CNTNAP4: variants seen among roughly 807,000 people sequenced by gnomAD.
The protein encoded by CNTNAP4 is contactin associated protein family member 4.
In CNTNAP4, 98 loss-of-function variants were observed where a neutral mutation model predicts 148.4. The observed-to-expected ratio is 0.66, with a 90% CI of 0.56 to 0.78. The LOEUF is 0.78. Among genes scored for constraint, CNTNAP4 ranks in the 30% least tolerant of loss-of-function variants. CNTNAP4 has a pLI of 0.00. For missense variants in CNTNAP4, 1,935 were observed against 1,565.6 expected (o/e 1.24, Z -3.98); for synonymous variants, 730 against 565.1 (o/e 1.29, Z -4.14).
At chr16:76,404,635 T>C (rs1028623341) in intron 3 of CNTNAP4, among the ~76,000 whole-genome samples, 2 of 152,160 alleles carry the variant, frequency 1.3e-5, no homozygotes, top group African/African-American at 4.8e-5. Context: ...TTAATACATA[T>C]AGAATCTTTA....
chr16:76,520,609 T>A (rs1313463114), intron 15 of CNTNAP4, among the ~76,000 whole-genome samples: 1 of 152,180 alleles, frequency 6.6e-6, no homozygotes, highest in African/African-American at 2.4e-5. Context: ...GGTTTGTAAT[T>A]AGACAAGACT....
At chr16:76,307,503 C>CATATATATATATATATAT (rs6145898) in intron 1 of CNTNAP4, among the ~76,000 whole-genome samples, 5 of 91,720 alleles carry the variant, frequency 5.5e-5, no homozygotes, top group East Asian at 5.9e-4. Context: ...ATTTTAAATG[C>CATATATATATATATATAT]ATATATATAT....
intron 17 of CNTNAP4, among the ~76,000 whole-genome samples, chr16:76,531,072 C>T (rs1350136577): frequency 6.6e-6 from 1 of 152,134 alleles, no homozygotes; most frequent in Non-Finnish European, 1.5e-5. Context: ...CTGTGCCAGG[C>T]AAATCTCTAT....
chr16:76,500,168 T>C (rs9925329), intron 15 of CNTNAP4, among the ~76,000 whole-genome samples: 127,049 of 151,660 alleles, frequency 0.84, 54,085 homozygotes, highest in East Asian at 0.97. Flanking sequence ...CCAGACGGGG[T>C]GGCAGCTGGG....
At chr16:76,534,825 C>T (rs1372744530) in intron 17 of CNTNAP4, among the ~76,000 whole-genome samples, 1 of 152,172 alleles carries the variant, frequency 6.6e-6, no homozygotes, top group Non-Finnish European at 1.5e-5. Flanking sequence ...GGGTCTGATT[C>T]CAACCCAACA....
intron 10 of CNTNAP4, among the ~76,000 whole-genome samples, chr16:76,472,784 A>T (rs1162387898): frequency 6.6e-6 from 1 of 152,152 alleles, no homozygotes; most frequent in Admixed American, 6.5e-5. Flanking sequence ...GGGGAACAAC[A>T]CTTACTGGGA....
At chr16:76,321,695 A>G (rs1962429955) in intron 2 of CNTNAP4, among the ~76,000 whole-genome samples, 1 of 150,688 alleles carries the variant, frequency 6.6e-6, no homozygotes, top group Non-Finnish European at 1.5e-5. Context: ...AGGCTGGGGC[A>G]GGAGAATGGC....
At chr16:76,495,654 C>T (rs1460041010) in intron 14 of CNTNAP4, among the ~76,000 whole-genome samples, 1 of 151,956 alleles carries the variant, frequency 6.6e-6, no homozygotes, top group African/African-American at 2.4e-5. Flanking sequence ...TTAAAAAAGA[C>T]ATTGATAGTA....
chr16:76,510,629 G>A (rs1042726509), intron 15 of CNTNAP4, among the ~76,000 whole-genome samples: 2 of 152,072 alleles, frequency 1.3e-5, no homozygotes, highest in African/African-American at 4.8e-5. Context: ...TCTGTGCTGA[G>A]GAATGCAGTT....
rs554380936 is a variant in CNTNAP4, at chr16:76,456,568, G to A, written c.1333+3799G>A. Among the ~76,000 whole-genome samples, 17 of 152,158 alleles carry A rather than the reference G, an allele frequency of 1.1e-4. No individual in the cohort carries two copies. The South Asian group carries it at 3.5e-3, about 32-fold the overall frequency. On this transcript the variant is annotated intron_variant, in intron 8 of 23. Transcript: ENST00000611870. ...TTTTCCCCACCTTCATTTCATTATA[G>A]TCACAGAATGGCCTTGTCTGATGTT...
chr16:76,470,187 T>G (rs1054816122), intron 10 of CNTNAP4, among the ~76,000 whole-genome samples: 34 of 152,274 alleles, frequency 2.2e-4, no homozygotes, highest in African/African-American at 7.7e-4. Context: ...GCCCAGCCTC[T>G]AACCCCAGCA....
intron 3 of CNTNAP4, among the ~76,000 whole-genome samples, chr16:76,407,067 T>C (rs1192256737): frequency 1.3e-5 from 2 of 152,196 alleles, no homozygotes; most frequent in African/African-American, 4.8e-5. Context: ...GCTGACTCTC[T>C]TGTCAGAGAC....
chr16:76,345,494 C>G (rs896078481), intron 2 of CNTNAP4, among the ~76,000 whole-genome samples: 1 of 152,196 alleles, frequency 6.6e-6, no homozygotes, highest in Admixed American at 6.5e-5. Context: ...AGGGATTGAA[C>G]TCAATTCCAT....
At chr16:76,418,404 T>C (rs1350464574) in intron 3 of CNTNAP4, among the ~76,000 whole-genome samples, 1 of 147,134 alleles carries the variant, frequency 6.8e-6, no homozygotes, top group East Asian at 2.0e-4. Context: ...TATATATATA[T>C]ATTTTTATTA....
chr16:76,521,817 T>C (rs1014118898), intron 16 of CNTNAP4, among the ~76,000 whole-genome samples: 6 of 152,128 alleles, frequency 3.9e-5, no homozygotes, highest in African/African-American at 7.2e-5. Flanking sequence ...GAATACCATT[T>C]TTTTTTCAAA....
At chr16:76,481,582 G>A (rs1051333414) in intron 12 of CNTNAP4, among the ~76,000 whole-genome samples, 2 of 152,140 alleles carry the variant, frequency 1.3e-5, no homozygotes, top group Admixed American at 6.5e-5. Flanking sequence ...ATAGCCTCCC[G>A]GGGCTAGTAT....
chr16:76,501,897 G>A (rs1205793694), intron 15 of CNTNAP4, among the ~76,000 whole-genome samples: 1 of 151,946 alleles, frequency 6.6e-6, no homozygotes, highest in South Asian at 2.1e-4. Flanking sequence ...GTGAAACCCC[G>A]TCTCTACTAA....
At chr16:76,353,036 T>C (rs542335610) in intron 2 of CNTNAP4, among the ~76,000 whole-genome samples, 2 of 152,310 alleles carry the variant, frequency 1.3e-5, no homozygotes, top group East Asian at 3.9e-4. Context: ...TAGATAATAT[T>C]GGTGTACAAC....
At chr16:76,298,001 T>C (rs1374963490) in intron 1 of CNTNAP4, among the ~76,000 whole-genome samples, 1 of 152,192 alleles carries the variant, frequency 6.6e-6, no homozygotes, top group Non-Finnish European at 1.5e-5. Flanking sequence ...CCCTTCTGTT[T>C]TTCTGCTATC....
Sources: gnomAD v4.1 joint callset for allele counts (sites outside exome capture counted in the v4.1 genomes callset) on GRCh38, gnomAD v4.1.1 for gene constraint, MANE v1.5 for transcripts, NCBI Gene and HGNC (gene_info 2026-07-23, HGNC 2026-07-21) for gene names.